ANKFN1: variants seen among roughly 807,000 people sequenced by gnomAD.
ANKFN1 encodes ankyrin repeat and fibronectin type-III domain-containing protein 1.
In ANKFN1, 74 loss-of-function variants were observed where a neutral mutation model predicts 108.7. The observed-to-expected ratio is 0.68, with a 90% CI of 0.56 to 0.83. The LOEUF is 0.83. Among genes scored for constraint, ANKFN1 ranks in the 40% least tolerant of loss-of-function variants. The pLI is 0.00. For synonymous variants in ANKFN1, 547 were observed against 516.2 expected (o/e 1.06, Z -0.81); for missense variants, 1,505 against 1,382.3 (o/e 1.09, Z -1.41).
At position 56,512,037 on chromosome 17, in the gene ANKFN1, T is replaced by C. The variant is rs16957335; in HGVS notation, c.*768T>C. On this transcript the variant is annotated 3_prime_UTR_variant, in exon 21 of 21. Coordinates refer to ENST00000682825, the MANE Select transcript of ANKFN1 (RefSeq NM_001370326.1). ...CCCATCCAAGCATGAAAATGATCCA[T>C]AGATTTTTACAGGGGTCAAGGAGAT... Among the ~76,000 whole-genome samples, 6,330 of 152,260 alleles carry C rather than the reference T, an allele frequency of 0.042. 333 individuals carry two copies. Among genetic ancestry groups the C allele is most frequent in the African/African-American group, 0.12 (5,100 of 41,526 alleles).
At chr17:56,357,570 C>T (rs750820273) in intron 6 of ANKFN1, among the ~76,000 whole-genome samples, 7 of 152,170 alleles carry the variant, frequency 4.6e-5, no homozygotes, top group Admixed American at 6.5e-5. Context: ...TTCTGTTCTG[C>T]GCACTAAGGT....
rs1481223806 is a variant in ANKFN1, at chr17:56,090,228, G to GCAACC, written c.288+43903_288+43904insCAACC. On this transcript the variant is annotated intron_variant, in intron 4 of 12. Coordinates refer to the ANKFN1 transcript ENST00000635860. ...GTGTATGAGCCAGAATGTGAGCACT[G>GCAACC]AGTAGCAGGTGCGGGTAAGTCGTTA... is the stretch of plus-strand genomic sequence containing the variant. Among the ~76,000 whole-genome samples the GCAACC allele has an allele frequency of 7.3e-5, 11 of 151,348 alleles. No individual in the cohort carries two copies. In the East Asian group the frequency reaches 1.4e-3, roughly 19 times the overall value.
intron 8 of ANKFN1, among the ~76,000 whole-genome samples, chr17:56,417,091 G>T (rs372969087): frequency 6.6e-6 from 1 of 151,956 alleles, no homozygotes; most frequent in Non-Finnish European, 1.5e-5. Context: ...GGGAATAGTG[G>T]GGGTGGTTAA....
chr17:56,407,278 T>C (rs2047950268), intron 8 of ANKFN1, among the ~76,000 whole-genome samples: 1 of 152,196 alleles, frequency 6.6e-6, no homozygotes. Context: ...GTAGGAGTAG[T>C]AGCAGTAATA....
intron 20 of ANKFN1, among the ~76,000 whole-genome samples, chr17:56,508,353 T>A (rs1047844206): frequency 6.6e-6 from 1 of 152,216 alleles, no homozygotes; most frequent in African/African-American, 2.4e-5. Context: ...CCTACCTTTT[T>A]AAAAATTAAA....
chr17:56,337,065 T>G (rs1291374742), intron 4 of ANKFN1, among the ~76,000 whole-genome samples: 1 of 152,224 alleles, frequency 6.6e-6, no homozygotes, highest in Non-Finnish European at 1.5e-5. Flanking sequence ...CTAATTTGAT[T>G]GCACTGTGGT....
At chr17:56,072,966 GT>G (rs1309608674) in intron 4 of ANKFN1, among the ~76,000 whole-genome samples, 1 of 152,116 alleles carries the variant, frequency 6.6e-6, no homozygotes, top group African/African-American at 2.4e-5. Flanking sequence ...CTTTCTAACT[GT>G]CTGCTGAGAT....
chr17:56,276,390 T>C (rs973815000), intron 3 of ANKFN1, among the ~76,000 whole-genome samples: 1 of 152,160 alleles, frequency 6.6e-6, no homozygotes, highest in African/African-American at 2.4e-5. Context: ...CTGGGTCAAA[T>C]GGTATTTCTA....
At chr17:56,147,231 T>TC (rs1908318727) in intron 4 of ANKFN1, among the ~76,000 whole-genome samples, 1 of 152,188 alleles carries the variant, frequency 6.6e-6, no homozygotes, top group Admixed American at 6.5e-5. Context: ...CATCTTCCTG[T>TC]CTTCTTCTGA....
chr17:56,258,932 A>G (rs1016229527), intron 3 of ANKFN1, among the ~76,000 whole-genome samples: 1 of 152,044 alleles, frequency 6.6e-6, no homozygotes, highest in Non-Finnish European at 1.5e-5. Context: ...AAGTAAATAA[A>G]TAAATAAATA....
intron 4 of ANKFN1, among the ~76,000 whole-genome samples, chr17:56,114,010 G>A (rs1906124619): frequency 6.6e-6 from 1 of 152,154 alleles, no homozygotes; most frequent in Non-Finnish European, 1.5e-5. Flanking sequence ...TCGTTGCGTA[G>A]ATGAGAAACC....
intron 3 of ANKFN1, among the ~76,000 whole-genome samples, chr17:56,269,764 C>G (rs16956980): frequency 0.062 from 9,483 of 152,260 alleles, 330 homozygotes; most frequent in South Asian, 0.11. Context: ...ATACATCAAG[C>G]AGCTTTCACA....
In ANKFN1 at chr17:56,511,415, T is replaced by A; in HGVS notation, c.*146T>A. On this transcript the variant is annotated 3_prime_UTR_variant, in exon 21 of 21. Transcript: ENST00000682825. ...CAAAGGTTACAAGTTCAAGGTCCTCTTTTTTTGGAACAGAGTGGTGGGTGG... is the reference window on the plus strand; with the variant it reads ...CAAAGGTTACAAGTTCAAGGTCCTCATTTTTTGGAACAGAGTGGTGGGTGG... The A allele has an allele frequency of 1.0e-6, 1 of 959,346 alleles. No individual in the cohort carries two copies. Among genetic ancestry groups the A allele is most frequent in the Non-Finnish European group, 1.5e-6 (1 of 670,622 alleles). 59.4% of individuals were successfully genotyped at this position (959,346 alleles called of 1,614,324 possible). A position where few individuals can be genotyped will look rare whatever the true frequency, so the allele number is the denominator to read the frequency against.
chr17:56,210,389 T>G (rs1302401014), intron 1 of ANKFN1, among the ~76,000 whole-genome samples: 1 of 152,216 alleles, frequency 6.6e-6, no homozygotes, highest in African/African-American at 2.4e-5. Flanking sequence ...ACCACATCCA[T>G]GCCAACATCT....
intron 4 of ANKFN1, among the ~76,000 whole-genome samples, chr17:56,333,414 A>G (rs2045720156): frequency 6.6e-6 from 1 of 152,124 alleles, no homozygotes; most frequent in Non-Finnish European, 1.5e-5. Flanking sequence ...ATCCATAGAG[A>G]TAATCATATA....
intron 4 of ANKFN1, among the ~76,000 whole-genome samples, chr17:56,059,801 T>G (rs1180287321): frequency 6.6e-6 from 1 of 152,220 alleles, no homozygotes; most frequent in Admixed American, 6.5e-5. Flanking sequence ...TCTATTTTGG[T>G]AACAGTACTA....
intron 1 of ANKFN1, among the ~76,000 whole-genome samples, chr17:56,167,279 A>G (rs778552549): frequency 4.4e-4 from 55 of 124,320 alleles, no homozygotes; most frequent in Non-Finnish European, 3.9e-4. Flanking sequence ...ATATACATAT[A>G]TATATATACA....
chr17:56,061,526 G>A (rs183106157), intron 4 of ANKFN1, among the ~76,000 whole-genome samples: 37 of 152,116 alleles, frequency 2.4e-4, no homozygotes, highest in Admixed American at 1.8e-3. Flanking sequence ...GCCCACCTTG[G>A]CCTCCCAAAG....
At chr17:56,249,172 T>C (rs141789376) in intron 3 of ANKFN1, among the ~76,000 whole-genome samples, 7 of 152,256 alleles carry the variant, frequency 4.6e-5, no homozygotes, top group South Asian at 2.1e-4. Flanking sequence ...CTCTGAAGTA[T>C]GCCTGCAATC....
Sources: allele counts gnomAD v4.1 joint callset (sites outside exome capture counted in the v4.1 genomes callset), GRCh38; gene constraint gnomAD v4.1.1; transcripts MANE v1.5; gene names NCBI Gene and HGNC (gene_info 2026-07-23, HGNC 2026-07-21).